The following CHMP2A variants were observed in gnomAD, a reference collection of about 807,000 sequenced individuals.
CHMP2A encodes VPS2 homolog A.
A neutral mutation model predicts 21.8 loss-of-function variants in CHMP2A; 6 were observed. That is an observed-to-expected ratio of 0.28 (90% CI 0.15 to 0.54). The LOEUF (loss-of-function observed/expected upper bound fraction) is 0.54. Ranked by LOEUF, CHMP2A falls within the 20% of genes least tolerant of loss-of-function variation. The probability of loss-of-function intolerance (pLI) is 0.95; values close to 1 mark genes in which losing one functional copy is unlikely to be tolerated. For synonymous variants in CHMP2A, 125 were observed against 107.0 expected, an observed-to-expected ratio of 1.17 and a Z score of -1.04; for missense variants, 303 against 293.9, an observed-to-expected ratio of 1.03 and a Z score of -0.23.
intron 2 of CHMP2A, among the ~76,000 whole-genome samples, chr19:58,553,145 C>A (rs2053852672): frequency 6.6e-6 from 1 of 151,412 alleles, no homozygotes; most frequent in African/African-American, 2.4e-5. Flanking sequence ...GCAAACTGTG[C>A]CTCCCGGCCT....
rs1463809884 is a variant in CHMP2A at position 58,552,189 on chromosome 19, G to T, written c.349-4C>A. 3 of 1,614,196 alleles carry T rather than the reference G, an allele frequency of 1.9e-6. No individual in the cohort carries two copies. Among genetic ancestry groups the T allele is most frequent in the Non-Finnish European group, 2.5e-6 (3 of 1,180,040 alleles). ...TCTGGATCTGGGGCAACTTCAGCTG[G>T]AAGTGACAGGAGTGTGAGTGTGATC... On this transcript the variant is annotated splice_polypyrimidine_tract_variant and splice_region_variant and intron_variant, in intron 3 of 5. Transcript: ENST00000312547.
rs2053877873 is a variant in CHMP2A, at chr19:58,555,056, C to T, written c.-93G>A. On this transcript the variant is annotated 5_prime_UTR_variant, in exon 1 of 6. Transcript: ENST00000312547. ...CTCTTTCTGGGATCCCCGACTTGCC[C>T]ACCAACTAAGGCCCCTCGGTCCTGT... The T allele has an allele frequency of 6.6e-6, 1 of 152,456 alleles. No individual in the cohort carries two copies. Among genetic ancestry groups the T allele is most frequent in the South Asian group, 2.1e-4 (1 of 4,864 alleles). The allele number at this position is 152,456 out of a possible 1,614,324, so 9.4% of individuals were successfully genotyped here.
chr19:58,552,057 C>G lies in CHMP2A; in HGVS notation c.477G>C (p.Glu159Asp). Residue 159 changes from glutamate to aspartate, a missense_variant and splice_region_variant, in exon 4 of 6, where the codon GAG (glutamate) becomes GAC (aspartate). Coordinates refer to ENST00000312547, the MANE Select transcript of CHMP2A (RefSeq NM_014453.4). ...CCTCCCATCCAGTTTCCCCATACCT[C>G]TCCTCTTCATCTTCCTCATCACCCA... ...DAMGDEEDEE[E>D]SDAVVSQVLD... The G allele has an allele frequency of 6.2e-7, 1 of 1,614,166 alleles. No homozygotes were observed. The highest frequency in any genetic ancestry group is 1.3e-5 in the African/African-American group (1 of 75,048).
At position 58,554,123 on chromosome 19, in the gene CHMP2A, G is replaced by A. The variant is rs1451146519; in HGVS notation, c.90C>T (p.Asp30=). The A allele has an allele frequency of 1.9e-6, 3 of 1,614,014 alleles. No individual in the cohort carries two copies. The African/African-American group carries it at 4.0e-5, about 22-fold the overall frequency. Residue 30 remains aspartate (D), a synonymous_variant, in exon 2 of 6, where the codon GAC becomes GAT. Coordinates refer to ENST00000312547, the MANE Select transcript of CHMP2A (RefSeq NM_014453.4). The part of the protein sequence containing the change: ...RALNRAMREL[D]RERQKLETQE... Reference sequence around the variant, plus strand: ...GGGTCTCTAGTTTCTGTCGCTCGCGGTCCAGCTCCCGCATGGCACGGTTCA... The same window carrying A: ...GGGTCTCTAGTTTCTGTCGCTCGCGATCCAGCTCCCGCATGGCACGGTTCA...
At chr19:58,553,830 C>T (rs2053860775) in intron 2 of CHMP2A, 3 of 612,990 alleles carry the variant, frequency 4.9e-6, no homozygotes, top group Admixed American at 2.9e-5. Context: ...CATTCCCTGC[C>T]CAGATCTGTA....
chr19:58,551,607 G>T lies in CHMP2A; in HGVS notation c.*42C>A. 3.1e-6 allele frequency: 5 copies of T among 1,599,590 alleles called. No individual in the cohort carries two copies. The highest frequency in any genetic ancestry group is 2.6e-6 in the Non-Finnish European group (3 of 1,170,048). ...TTATTACAGAGGGGTTGTGGTAAAAGATCCTGGGCATCCACTGGTTATCTC... is the reference window on the plus strand; with the variant it reads ...TTATTACAGAGGGGTTGTGGTAAAATATCCTGGGCATCCACTGGTTATCTC... On this transcript the variant is annotated 3_prime_UTR_variant, in exon 6 of 6. Coordinates refer to ENST00000312547, the MANE Select transcript of CHMP2A (RefSeq NM_014453.4).
chr19:58,553,371 GTTTT>G (rs373068837), intron 2 of CHMP2A, among the ~76,000 whole-genome samples: 1 of 120,000 alleles, frequency 8.3e-6, no homozygotes, highest in African/African-American at 3.3e-5. Context: ...TAGTTAACTG[GTTTT>G]TTTTTTTTTT....
chr19:58,551,753 G>A lies in CHMP2A; in HGVS notation c.565C>T (p.Leu189Phe), dbSNP rs760530137. The change falls in exon 6 of 6, where the codon CTT becomes TTT. Residue 189 changes from leucine (L) to phenylalanine (F), a missense_variant. Coordinates refer to ENST00000312547, the MANE Select transcript of CHMP2A (RefSeq NM_014453.4). The stretch of plus-strand genomic sequence containing the variant: ...TTTTTCCCACCAGCAGCCACACTAA[G>A]CGAGCCCCCAGTTGAGGGGAGGTCT... Reference protein sequence around the residue: ...LSNLPSTGGSLSVAAGGKKAE... With the variant: ...LSNLPSTGGSFSVAAGGKKAE... The A allele has an allele frequency of 6.2e-7, 1 of 1,614,140 alleles. No homozygotes were observed. The highest frequency in any genetic ancestry group is 1.1e-5 in the South Asian group (1 of 91,080).
At chr19:58,553,695 A>C (rs928663275) in intron 2 of CHMP2A, 16 of 323,688 alleles carry the variant, frequency 4.9e-5, no homozygotes, top group Non-Finnish European at 8.7e-5. Flanking sequence ...TAACCTTCCA[A>C]CTTAGCTCCC....
chr19:58,554,268 G>A, intron 1 of CHMP2A, 32 bp from the exon 2 acceptor site: 2 of 1,565,848 alleles, frequency 1.3e-6, no homozygotes, highest in South Asian at 1.2e-5. Flanking sequence ...CCCAGTTGTA[G>A]GGCATGGGGC....
In CHMP2A at chr19:58,554,339, G is replaced by A. The variant is rs567393843; in HGVS notation, c.-24-103C>T. On this transcript the variant is annotated intron_variant, in intron 1 of 5. Coordinates refer to ENST00000312547, the MANE Select transcript of CHMP2A (RefSeq NM_014453.4). Reference sequence around the variant, plus strand: ...CCTTGCCAAATGGGAAGGGGCTAACGGAGACTGGAGGCAGGAATGAGGAGC... The same window carrying A: ...CCTTGCCAAATGGGAAGGGGCTAACAGAGACTGGAGGCAGGAATGAGGAGC... 5 of 1,033,760 alleles carry A rather than the reference G, an allele frequency of 4.8e-6. No individual in the cohort carries two copies. The East Asian group carries it at 9.9e-5, about 20-fold the overall frequency. 64.0% of individuals were successfully genotyped at this position (1,033,760 alleles called of 1,614,324 possible).
Position 58,552,032 on chromosome 19 carries a change from C to T in CHMP2A, c.479+23G>A, listed in dbSNP as rs1568665781. 6 of 1,614,164 alleles carry T rather than the reference C, an allele frequency of 3.7e-6. No homozygotes were observed. In the Admixed American group the frequency reaches 5.0e-5, roughly 13 times the overall value. ...GTGAGGGCCAGGCAAACATCTCCAC[C>T]CTCCCATCCAGTTTCCCCATACCTC... On this transcript the variant is annotated intron_variant, in intron 4 of 5. Coordinates refer to ENST00000312547, the MANE Select transcript of CHMP2A (RefSeq NM_014453.4).
chr19:58,554,273 TG>T, intron 1 of CHMP2A, 37 bp from the exon 2 acceptor site: 1 of 1,560,216 alleles, frequency 6.4e-7, no homozygotes, highest in Non-Finnish European at 8.7e-7. Flanking sequence ...TTGTAGGGCA[TG>T]GGGCCCAGGA....
chr19:58,554,516 C>T, intron 1 of CHMP2A: 1 of 387,150 alleles, frequency 2.6e-6, no homozygotes, highest in Non-Finnish European at 4.7e-6. Flanking sequence ...CTTCCCTCTC[C>T]AGAACTATGG....
intron 2 of CHMP2A, among the ~76,000 whole-genome samples, chr19:58,553,561 CGG>C (rs1383863546): frequency 6.7e-6 from 1 of 148,346 alleles, no homozygotes; most frequent in Non-Finnish European, 1.5e-5. Context: ...TCAGTAGAGA[CGG>C]GGTTACTCTG....
In CHMP2A at chr19:58,552,131, T is replaced by C. The variant is rs1238456522; in HGVS notation, c.403A>G (p.Ile135Val). The change falls in exon 4 of 6, where the codon ATC becomes GTC. Residue 135 changes from isoleucine (I) to valine (V), a missense_variant. Ile to Val is a conservative substitution (Grantham distance 29, BLOSUM62 3). Coordinates refer to ENST00000312547, the MANE Select transcript of CHMP2A (RefSeq NM_014453.4). ...ATCATCTCCTCCTTCATATCCATGA[T>C]CTCTGCCTGCCGCTCAAACTCCATC... ...IMMEFERQAE[I>V]MDMKEEMMND... 2.5e-6 allele frequency: 4 copies of C among 1,614,076 alleles called. No homozygotes were observed. The East Asian group carries it at 6.7e-5, about 27-fold the overall frequency.
At chr19:58,552,955 A>G (rs1486979031) in intron 2 of CHMP2A, among the ~76,000 whole-genome samples, 1 of 152,198 alleles carries the variant, frequency 6.6e-6, no homozygotes, top group African/African-American at 2.4e-5. Flanking sequence ...TGTTCAGGCC[A>G]AAACCCTCTC....
chr19:58,553,962 G>A, intron 2 of CHMP2A, 83 bp downstream of exon 2: 1 of 1,556,442 alleles, frequency 6.4e-7, no homozygotes, highest in Non-Finnish European at 8.8e-7. Context: ...GAAAGCACCT[G>A]TGTTTGGTGT....
At position 58,554,122 on chromosome 19, in the gene CHMP2A, G is replaced by A. The variant is rs748088651; in HGVS notation, c.91C>T (p.Arg31Cys). Residue 31 changes from arginine to cysteine, a missense_variant, in exon 2 of 6, where the codon CGC becomes TGC. Coordinates refer to ENST00000312547, the MANE Select transcript of CHMP2A (RefSeq NM_014453.4). ...ALNRAMRELD[R>C]ERQKLETQEK... ...TGGGTCTCTAGTTTCTGTCGCTCGC[G>A]GTCCAGCTCCCGCATGGCACGGTTC... 9.9e-6 allele frequency: 16 copies of A among 1,614,116 alleles called. No homozygotes were observed. Among genetic ancestry groups the A allele is most frequent in the Non-Finnish European group, 1.4e-5 (16 of 1,180,034 alleles).
Sources: allele counts gnomAD v4.1 joint callset (sites outside exome capture counted in the v4.1 genomes callset), GRCh38; gene constraint gnomAD v4.1.1; transcripts MANE v1.5; gene names NCBI Gene and HGNC (gene_info 2026-07-23, HGNC 2026-07-21).